Variants in CNTNAP4 observed in about 807,000 individuals in gnomAD.
CNTNAP4 encodes contactin-associated protein-like 4.
In CNTNAP4, 98 loss-of-function variants were observed where a neutral mutation model predicts 148.4. The observed-to-expected ratio is 0.66, with a 90% CI of 0.56 to 0.78. CNTNAP4 has a LOEUF of 0.78. CNTNAP4 is among the 30% of genes least tolerant of loss of function. The pLI is 0.00. For missense variants in CNTNAP4, 1,935 were observed against 1,565.6 expected, an observed-to-expected ratio of 1.24 and a Z score of -3.98; for synonymous variants, 730 against 565.1, an observed-to-expected ratio of 1.29 and a Z score of -4.14.
chr16:76,395,982 GC>G (rs1360840568), intron 3 of CNTNAP4, among the ~76,000 whole-genome samples: 4 of 152,156 alleles, frequency 2.6e-5, no homozygotes, highest in African/African-American at 9.7e-5. Flanking sequence ...GCTGGCCTCA[GC>G]CTCCCAAAAT....
At chr16:76,311,398 T>C (rs1022291673) in intron 1 of CNTNAP4, among the ~76,000 whole-genome samples, 2 of 152,146 alleles carry the variant, frequency 1.3e-5, no homozygotes, top group African/African-American at 4.8e-5. Context: ...ATGGTGACTT[T>C]TCTGAGATAT....
chr16:76,355,237 G>C lies in CNTNAP4; in HGVS notation c.197-81G>C, dbSNP rs17766740. 3.9e-6 allele frequency: 4 copies of C among 1,027,874 alleles called. No individual in the cohort carries two copies. The African/African-American group carries it at 6.6e-5, about 17-fold the overall frequency. The allele number at this position is 1,027,874 out of a possible 1,614,324, so 63.7% of individuals were successfully genotyped here. ...TTAAGTTCCATAGAGGAATACAGTC[G>C]TACTGGCATTTCTTTACAAACATAG... On this transcript the variant is annotated intron_variant, in intron 2 of 23. Coordinates refer to ENST00000611870, the MANE Select transcript of CNTNAP4 (RefSeq NM_033401.5).
rs188614312 is a variant in CNTNAP4, at chr16:76,537,796, G to C, written c.2996-320G>C. 4.4e-4 allele frequency among the ~76,000 whole-genome samples: 67 copies of C among 152,070 alleles called. No individual in the cohort carries two copies. The East Asian group carries it at 0.011, about 25-fold the overall frequency. ...GTACTATCTGCAATATAACAGATGG[G>C]AGTTAAAATTTAAATAAAAAAGTAG... On this transcript the variant is annotated intron_variant, in intron 18 of 23. Coordinates refer to ENST00000611870, the MANE Select transcript of CNTNAP4 (RefSeq NM_033401.5).
In CNTNAP4 at chr16:76,479,449, A is replaced by C; in HGVS notation, c.1793A>C (p.Lys598Thr). The C allele has an allele frequency of 6.2e-7, 1 of 1,610,176 alleles. No homozygotes were observed. Among genetic ancestry groups the C allele is most frequent in the Non-Finnish European group, 8.5e-7 (1 of 1,178,334 alleles). ...SIYEQSCEAY[K>T]HRGNTSGFYY... Reference sequence around the variant, plus strand: ...TATGAGCAGTCATGTGAAGCCTATAAGCACAGAGGAAATACTTCAGGGTTT... The same window carrying C: ...TATGAGCAGTCATGTGAAGCCTATACGCACAGAGGAAATACTTCAGGGTTT... The change falls in exon 12 of 24, where the codon AAG becomes ACG. Residue 598 changes from lysine to threonine, a missense_variant. Physicochemically the swap from Lys to Thr is moderately conservative, Grantham distance 78 (BLOSUM62 -1). Coordinates refer to ENST00000611870, the MANE Select transcript of CNTNAP4 (RefSeq NM_033401.5).
rs188946983 is a variant in CNTNAP4 at position 76,360,337 on chromosome 16, C to G, written c.390+4826C>G. Among the ~76,000 whole-genome samples, 4 of 152,272 alleles carry G rather than the reference C, an allele frequency of 2.6e-5. No individual in the cohort carries two copies. In the East Asian group the frequency reaches 7.7e-4, roughly 29 times the overall value. On this transcript the variant is annotated intron_variant, in intron 3 of 23. Coordinates refer to ENST00000611870, the MANE Select transcript of CNTNAP4 (RefSeq NM_033401.5). ...CTGTAAGCCAGACAGGGTAGAAACA[C>G]TACCTGCAAAGATTTCCACATGCAT...
intron 3 of CNTNAP4, among the ~76,000 whole-genome samples, chr16:76,392,849 T>G (rs565796472): frequency 5.9e-5 from 9 of 152,318 alleles, no homozygotes; most frequent in African/African-American, 1.7e-4. Context: ...AGCTTGAAGA[T>G]GCCTGTCAAT....
chr16:76,526,900 C>G (rs1227798041), intron 17 of CNTNAP4, among the ~76,000 whole-genome samples: 2 of 152,106 alleles, frequency 1.3e-5, no homozygotes, highest in African/African-American at 4.8e-5. Context: ...TCTCAAACTC[C>G]TGGGCTCAAG....
At chr16:76,502,048 G>A (rs984605664) in intron 15 of CNTNAP4, among the ~76,000 whole-genome samples, 1 of 149,376 alleles carries the variant, frequency 6.7e-6, no homozygotes, top group South Asian at 2.1e-4. Context: ...CAGCCTGGGC[G>A]ACAGAGCGAG....
At chr16:76,435,202 T>C (rs2089371) in intron 4 of CNTNAP4, among the ~76,000 whole-genome samples, 2 of 152,174 alleles carry the variant, frequency 1.3e-5, no homozygotes, top group Non-Finnish European at 2.9e-5. Context: ...ACTGAAGGGC[T>C]GTGATTCTCT....
intron 23 of CNTNAP4, among the ~76,000 whole-genome samples, chr16:76,554,202 C>T (rs557729064): frequency 2.0e-5 from 3 of 152,250 alleles, no homozygotes; most frequent in Admixed American, 6.5e-5. Flanking sequence ...TGAACATAGC[C>T]ACAGGTAGTC....
intron 15 of CNTNAP4, among the ~76,000 whole-genome samples, chr16:76,518,744 A>G (rs946846084): frequency 2.0e-5 from 3 of 152,078 alleles, no homozygotes; most frequent in Non-Finnish European, 2.9e-5. Context: ...ACAAACGACA[A>G]TGTTCTTAAC....
intron 1 of CNTNAP4, among the ~76,000 whole-genome samples, chr16:76,313,825 A>G (rs1420947506): frequency 6.6e-6 from 1 of 152,238 alleles, no homozygotes; most frequent in Non-Finnish European, 1.5e-5. Context: ...ATTGCTTACC[A>G]TTAATGAAAA....
rs376915482 is a variant in CNTNAP4, at chr16:76,461,943, T to A, written c.1334-13T>A. 2.5e-6 allele frequency: 4 copies of A among 1,612,724 alleles called. No homozygotes were observed. The African/African-American group carries it at 5.3e-5, about 22-fold the overall frequency. On this transcript the variant is annotated splice_polypyrimidine_tract_variant and intron_variant, in intron 8 of 23. Transcript: ENST00000611870. ...CTATTGAGAGCGATCTCTAACTGAT[T>A]TCATCTCCCTAGGTGTCGAATTAAA... is the stretch of plus-strand genomic sequence containing the variant.
At chr16:76,362,393 G>A in intron 3 of CNTNAP4, among the ~76,000 whole-genome samples, 1 of 152,156 alleles carries the variant, frequency 6.6e-6, no homozygotes, top group East Asian at 1.9e-4. Flanking sequence ...TACAGAAATA[G>A]AAAAAATATC....
chr16:76,531,584 A>G (rs1160625041), intron 17 of CNTNAP4, among the ~76,000 whole-genome samples: 2 of 152,188 alleles, frequency 1.3e-5, no homozygotes, highest in African/African-American at 4.8e-5. Flanking sequence ...GACAGTTCCA[A>G]ACGTAATAGC....
intron 9 of CNTNAP4, among the ~76,000 whole-genome samples, chr16:76,463,860 A>G (rs986366903): frequency 6.6e-6 from 1 of 152,218 alleles, no homozygotes; most frequent in Non-Finnish European, 1.5e-5. Flanking sequence ...TCTAAATAAT[A>G]TATTGTAAGA....
In CNTNAP4 at chr16:76,498,830, A is replaced by G. The variant is rs1473981404; in HGVS notation, c.2365+136A>G. Reference sequence around the variant, plus strand: ...GTGAACATTTTTTTTGTTTGTTTCCACATACATGAGGTGCCTTTAGTAGTC... The same window carrying G: ...GTGAACATTTTTTTTGTTTGTTTCCGCATACATGAGGTGCCTTTAGTAGTC... On this transcript the variant is annotated intron_variant, in intron 15 of 23. Coordinates refer to ENST00000611870, the MANE Select transcript of CNTNAP4 (RefSeq NM_033401.5). 3.5e-6 allele frequency: 3 copies of G among 860,716 alleles called. No homozygotes were observed. The East Asian group carries it at 9.4e-5, about 27-fold the overall frequency. 53.3% of individuals were successfully genotyped at this position (860,716 alleles called of 1,614,324 possible). A position where few individuals can be genotyped will look rare whatever the true frequency, so the allele number is the denominator to read the frequency against.
At chr16:76,514,813 A>G (rs745768939) in intron 15 of CNTNAP4, among the ~76,000 whole-genome samples, 71 of 152,366 alleles carry the variant, frequency 4.7e-4, no homozygotes, top group Admixed American at 2.9e-3. Context: ...TGTTCTGATA[A>G]TATAACATAT....
chr16:76,539,836 GA>G lies in CNTNAP4; in HGVS notation c.3339del (p.Val1114TrpfsTer4). ...LHHIMINREE[G>X]VVFIEIDDNR... ...CACATAATGATTAACAGAGAAGAAG[GA>G]GTGGTCTTTATAGAGGTAATGTAGT... On this transcript the variant is annotated frameshift_variant, in exon 20 of 24. Transcript: ENST00000611870. LOFTEE classifies it high-confidence loss of function. The G allele has an allele frequency of 6.3e-7, 1 of 1,595,136 alleles. No homozygotes were observed. Among genetic ancestry groups the G allele is most frequent in the Non-Finnish European group, 8.5e-7 (1 of 1,173,890 alleles).
Sources: allele counts gnomAD v4.1 joint callset (sites outside exome capture counted in the v4.1 genomes callset), GRCh38; gene constraint gnomAD v4.1.1; transcripts MANE v1.5; gene names NCBI Gene and HGNC (gene_info 2026-07-23, HGNC 2026-07-21).